The following CDH12 variants were observed in gnomAD, a reference collection of about 807,000 sequenced individuals.
CDH12 encodes the protein cadherin-12.
In CDH12, 41 loss-of-function variants were observed where a neutral mutation model predicts 74.1. That is an observed-to-expected ratio of 0.55 (90% CI 0.43 to 0.72). The LOEUF (loss-of-function observed/expected upper bound fraction) is 0.72. CDH12 is among the 30% of genes least tolerant of loss of function. The pLI, the probability that CDH12 is intolerant of heterozygous loss-of-function variation, is 0.00. For missense variants in CDH12, 945 were observed against 977.2 expected (o/e 0.97, Z 0.44); for synonymous variants, 399 against 355.0 (o/e 1.12, Z -1.39).
Position 21,909,078 on chromosome 5 carries a change from G to A in CDH12, c.527-54288C>T, listed in dbSNP as rs1753758476. ...AACCAAACAAAAACATTAAAGAAAA[G>A]TTCCTCTTCCATTGTTTAATAATTT... On this transcript the variant is annotated intron_variant, in intron 6 of 14. Transcript: ENST00000382254. Among the ~76,000 whole-genome samples the A allele has an allele frequency of 2.6e-5, 4 of 152,128 alleles. No homozygotes were observed. The South Asian group carries it at 6.2e-4, about 24-fold the overall frequency.
rs1561088078 is a variant in CDH12, at chr5:22,078,692, T to G, written c.-16A>C. The G allele has an allele frequency of 6.2e-7, 1 of 1,611,120 alleles. No individual in the cohort carries two copies. The highest frequency in any genetic ancestry group is 1.1e-5 in the South Asian group (1 of 90,920). Reference sequence around the variant, plus strand: ...TTGTAAGCATTGGCAAAGGCTTTCCTACAGCAGAGTAATAAAAACTCCAAC... The same window carrying G: ...TTGTAAGCATTGGCAAAGGCTTTCCGACAGCAGAGTAATAAAAACTCCAAC... On this transcript the variant is annotated 5_prime_UTR_variant, in exon 5 of 15. Coordinates refer to ENST00000382254, the MANE Select transcript of CDH12 (RefSeq NM_004061.5).
At chr5:21,935,770 A>G (rs552885697) in intron 6 of CDH12, among the ~76,000 whole-genome samples, 226 of 152,216 alleles carry the variant, frequency 1.5e-3, no homozygotes, top group African/African-American at 5.3e-3. Flanking sequence ...CAGCCTGTTA[A>G]CCTTTATACT....
chr5:22,102,218 G>C (rs998380928), intron 4 of CDH12, among the ~76,000 whole-genome samples: 1 of 152,134 alleles, frequency 6.6e-6, no homozygotes, highest in African/African-American at 2.4e-5. Flanking sequence ...AATCCACTGA[G>C]ATAATAAGAC....
intron 6 of CDH12, among the ~76,000 whole-genome samples, chr5:21,930,148 A>G (rs914106712): frequency 2.6e-5 from 4 of 152,180 alleles, no homozygotes; most frequent in African/African-American, 9.7e-5. Flanking sequence ...TGAAGGATGG[A>G]CAAAGAGGGC....
intron 6 of CDH12, among the ~76,000 whole-genome samples, chr5:21,866,417 A>C (rs35218781): frequency 0.66 from 100,356 of 152,068 alleles, 37,905 homozygotes; most frequent in Non-Finnish European, 0.83. Flanking sequence ...AATGATATGG[A>C]CAATGAAATC....
intron 6 of CDH12, among the ~76,000 whole-genome samples, chr5:21,930,395 T>C (rs536439868): frequency 1.2e-3 from 186 of 152,330 alleles, no homozygotes; most frequent in African/African-American, 4.4e-3. Flanking sequence ...TGGAAGTTTT[T>C]ACACAAAGTG....
intron 1 of CDH12, among the ~76,000 whole-genome samples, chr5:22,675,870 C>CATATATATATATATATATATATAT (rs144687047): frequency 0.051 from 4,697 of 91,400 alleles, 498 homozygotes; most frequent in South Asian, 0.075. Context: ...TTTTGTATCT[C>CATATATATATATATATATATATAT]ATATATATAT....
chr5:22,830,970 G>T (rs1348142270), intron 1 of CDH12, among the ~76,000 whole-genome samples: 2 of 151,592 alleles, frequency 1.3e-5, no homozygotes. Context: ...TCTTAAATCA[G>T]CTATTTTATA....
intron 4 of CDH12, among the ~76,000 whole-genome samples, chr5:22,197,084 A>G (rs1750661572): frequency 6.6e-6 from 1 of 152,226 alleles, no homozygotes; most frequent in African/African-American, 2.4e-5. Flanking sequence ...TTATGATAAG[A>G]TTTTCATTAA....
At chr5:22,287,924 C>CA (rs1737227268) in intron 3 of CDH12, among the ~76,000 whole-genome samples, 1 of 152,106 alleles carries the variant, frequency 6.6e-6, no homozygotes, top group African/African-American at 2.4e-5. Flanking sequence ...TAAGATATGG[C>CA]TATTCCGTAT....
In CDH12 at chr5:22,153,183, CT is replaced by C. The variant is rs70957094; in HGVS notation, c.-187+59314del. Among the ~76,000 whole-genome samples the C allele has an allele frequency of 4.8e-3, 669 of 138,418 alleles. 3 individuals carry two copies. The highest frequency in any genetic ancestry group is 0.015 in the East Asian group (70 of 4,702). The allele number at this position is 138,418 out of a possible 152,430, so 90.8% of individuals were successfully genotyped here. A position where few individuals can be genotyped will look rare whatever the true frequency, so the allele number is the denominator to read the frequency against. ...TCTTTTCTTTTCGTTTTTTTCTTTT[CT>C]TTTTTTTTTTTTTTAGAAACCTCCA... On this transcript the variant is annotated intron_variant, in intron 4 of 14. Transcript: ENST00000382254.
intron 3 of CDH12, among the ~76,000 whole-genome samples, chr5:22,291,208 T>C (rs1413672966): frequency 1.3e-5 from 2 of 152,006 alleles, no homozygotes; most frequent in African/African-American, 4.8e-5. Context: ...AGATATAAAA[T>C]AAATGTGTCT....
chr5:22,009,748 C>G (rs1238089663), intron 5 of CDH12, among the ~76,000 whole-genome samples: 1 of 151,834 alleles, frequency 6.6e-6, no homozygotes, highest in African/African-American at 2.4e-5. Context: ...GAGGCCGAGG[C>G]AGGTGGATCA....
chr5:22,395,738 C>T (rs547018748), intron 3 of CDH12, among the ~76,000 whole-genome samples: 1 of 152,090 alleles, frequency 6.6e-6, no homozygotes, highest in East Asian at 1.9e-4. Context: ...TAGGGAACAT[C>T]GCCACGTAGA....
At chr5:22,318,397 T>C (rs970110150) in intron 3 of CDH12, among the ~76,000 whole-genome samples, 1 of 152,220 alleles carries the variant, frequency 6.6e-6, no homozygotes, top group African/African-American at 2.4e-5. Flanking sequence ...CAGGAACATA[T>C]GTGCACTGTT....
chr5:22,443,676 G>T (rs1744710404), intron 2 of CDH12, among the ~76,000 whole-genome samples: 1 of 152,020 alleles, frequency 6.6e-6, no homozygotes, highest in South Asian at 2.1e-4. Flanking sequence ...CACTTAGGTT[G>T]TATGCATCAA....
chr5:22,441,512 T>A (rs1744620673), intron 2 of CDH12, among the ~76,000 whole-genome samples: 2 of 152,144 alleles, frequency 1.3e-5, no homozygotes, highest in Admixed American at 1.3e-4. Context: ...TAAGTTTTAA[T>A]TAAGGCCATG....
At chr5:22,263,161 T>A (rs116147919) in intron 3 of CDH12, among the ~76,000 whole-genome samples, 183 of 152,232 alleles carry the variant, frequency 1.2e-3, no homozygotes, top group African/African-American at 3.9e-3. Context: ...CAAATGTAAA[T>A]ACACAATCAA....
intron 1 of CDH12, among the ~76,000 whole-genome samples, chr5:22,566,650 T>C (rs1418834312): frequency 6.6e-6 from 1 of 152,196 alleles, no homozygotes; most frequent in Non-Finnish European, 1.5e-5. Flanking sequence ...TTGTTGTCCT[T>C]GGTTTATTGA....
Sources: gnomAD v4.1 joint callset for allele counts (sites outside exome capture counted in the v4.1 genomes callset) on GRCh38, gnomAD v4.1.1 for gene constraint, MANE v1.5 for transcripts, NCBI Gene and HGNC (gene_info 2026-07-23, HGNC 2026-07-21) for gene names.